The following ASAP2 variants were observed in gnomAD, a reference collection of about 807,000 sequenced individuals.
ASAP2 encodes ArfGAP with SH3 domain, ankyrin repeat and PH domain 2.
A neutral mutation model predicts 131.4 loss-of-function variants in ASAP2; 45 were observed. That is an observed-to-expected ratio of 0.34 (90% CI 0.27 to 0.44). The LOEUF is 0.44. Ranked by LOEUF, ASAP2 falls within the 20% of genes least tolerant of loss-of-function variation. The probability of loss-of-function intolerance (pLI) is 1.00; values close to 1 mark genes in which losing one functional copy is unlikely to be tolerated. For synonymous variants in ASAP2, 510 were observed against 503.0 expected, an observed-to-expected ratio of 1.01 and a Z score of -0.19; for missense variants, 1,011 against 1,297.0, an observed-to-expected ratio of 0.78 and a Z score of 3.39.
chr2:9,355,728 T>C (rs1672656791), intron 12 of ASAP2, among the ~76,000 whole-genome samples: 1 of 152,202 alleles, frequency 6.6e-6, no homozygotes. Flanking sequence ...AATTACTTTT[T>C]GGGGGCCAAC....
intron 1 of ASAP2, among the ~76,000 whole-genome samples, chr2:9,224,945 G>T (rs1662660150): frequency 6.6e-6 from 1 of 152,182 alleles, no homozygotes; most frequent in South Asian, 2.1e-4. Context: ...TGTAGAGTGG[G>T]AGTCTCACCA....
At chr2:9,273,942 A>T (rs576257277) in intron 1 of ASAP2, among the ~76,000 whole-genome samples, 31 of 152,296 alleles carry the variant, frequency 2.0e-4, no homozygotes, top group Non-Finnish European at 3.4e-4. Flanking sequence ...TTATTTTGGG[A>T]AAGGGCCATT....
rs952548139 is a variant in ASAP2 at position 9,392,994 on chromosome 2, C to T, written c.2519-488C>T. ...AAGAAAGCTCTTCACCCACCCACTC[C>T]GGAGACTGAGGAGCCGTTACTAAGT... On this transcript the variant is annotated intron_variant, in intron 23 of 27. Coordinates refer to ENST00000281419, the MANE Select transcript of ASAP2 (RefSeq NM_003887.3). This position sits in a 1 kb window ranked among gnomAD's most constrained non-coding sequence, Gnocchi z 4.0. Among the ~76,000 whole-genome samples the T allele has an allele frequency of 2.6e-5, 4 of 152,178 alleles. No homozygotes were observed. Among genetic ancestry groups the T allele is most frequent in the Admixed American group, 1.3e-4 (2 of 15,270 alleles).
At chr2:9,279,978 TG>T (rs1319062915) in intron 2 of ASAP2, among the ~76,000 whole-genome samples, 1 of 152,010 alleles carries the variant, frequency 6.6e-6, no homozygotes. Flanking sequence ...ATCCTACGAG[TG>T]ATACAAAATA....
chr2:9,332,778 T>G (rs961251551), intron 7 of ASAP2, among the ~76,000 whole-genome samples: 1 of 152,148 alleles, frequency 6.6e-6, no homozygotes, highest in African/African-American at 2.4e-5. Context: ...CACAAGAATT[T>G]GAAATGATTA....
At chr2:9,383,017 G>T (rs1294305217) in intron 20 of ASAP2, among the ~76,000 whole-genome samples, 1 of 151,874 alleles carries the variant, frequency 6.6e-6, no homozygotes, top group East Asian at 1.9e-4. Flanking sequence ...TGGGCAAGAG[G>T]GCTAGGAAAT....
intron 18 of ASAP2, 28 bp downstream of exon 18, chr2:9,377,021 C>T (rs770191566): frequency 6.3e-7 from 1 of 1,581,542 alleles, no homozygotes; most frequent in Admixed American, 1.7e-5. Flanking sequence ...AAGGGAGGCA[C>T]TCGTTTTCTC....
At chr2:9,402,299 G>A (rs973261590) in intron 27 of ASAP2, among the ~76,000 whole-genome samples, 5 of 152,184 alleles carry the variant, frequency 3.3e-5, no homozygotes, top group South Asian at 4.1e-4. Context: ...TGGGTTCACC[G>A]GTCTTTCCTG....
At chr2:9,218,107 C>T (rs1662180315) in intron 1 of ASAP2, among the ~76,000 whole-genome samples, 2 of 152,134 alleles carry the variant, frequency 1.3e-5, no homozygotes, top group Admixed American at 1.3e-4. Context: ...GAGTAAGAAT[C>T]CCAGTGCTGT....
chr2:9,215,969 A>G lies in ASAP2; in HGVS notation c.126+8739A>G, dbSNP rs935540309. 3.3e-5 allele frequency among the ~76,000 whole-genome samples: 5 copies of G among 152,176 alleles called. No individual in the cohort carries two copies. The East Asian group carries it at 9.6e-4, about 29-fold the overall frequency. On this transcript the variant is annotated intron_variant, in intron 1 of 27. Transcript: ENST00000281419. Reference sequence around the variant, plus strand: ...AGTTCATATACTTGTGCATGCCTCAAGAGTTCAGCAGAGCTGCACATTGGA... The same window carrying G: ...AGTTCATATACTTGTGCATGCCTCAGGAGTTCAGCAGAGCTGCACATTGGA...
chr2:9,287,877 G>A (rs1354390967), intron 2 of ASAP2, among the ~76,000 whole-genome samples: 1 of 152,192 alleles, frequency 6.6e-6, no homozygotes, highest in Non-Finnish European at 1.5e-5. Flanking sequence ...GGGTACCTCT[G>A]AAGGAACACA....
chr2:9,210,016 C>A (rs1244413310), intron 1 of ASAP2, among the ~76,000 whole-genome samples: 1 of 152,202 alleles, frequency 6.6e-6, no homozygotes, highest in African/African-American at 2.4e-5. Context: ...CTGTTGGGCC[C>A]TTATCCTGTA....
At chr2:9,344,233 T>C (rs1186456541) in intron 9 of ASAP2, among the ~76,000 whole-genome samples, 1 of 152,132 alleles carries the variant, frequency 6.6e-6, no homozygotes, top group South Asian at 2.1e-4. Context: ...CTCATGTCAC[T>C]GTCAGGGGGT....
chr2:9,264,089 G>A (rs1428465236), intron 1 of ASAP2, among the ~76,000 whole-genome samples: 1 of 151,926 alleles, frequency 6.6e-6, no homozygotes, highest in African/African-American at 2.4e-5. Flanking sequence ...CTACTCAGAA[G>A]GCTGAGGTGG....
chr2:9,351,309 G>A (rs1037895045), intron 12 of ASAP2, among the ~76,000 whole-genome samples: 1 of 152,198 alleles, frequency 6.6e-6, no homozygotes, highest in Non-Finnish European at 1.5e-5. Flanking sequence ...GTCTTCAACA[G>A]GTCCCTTGAA....
In ASAP2 at chr2:9,311,277, G is replaced by A. The variant is rs1669277042; in HGVS notation, c.346-7247G>A. On this transcript the variant is annotated intron_variant, in intron 3 of 27. Coordinates refer to ENST00000281419, the MANE Select transcript of ASAP2 (RefSeq NM_003887.3). The surrounding 1 kb of genome is among the most constrained non-coding windows in gnomAD (Gnocchi z 5.2). ...GCCAGGCATGGTGGCTCATGCCTGT[G>A]GTCCCAGCTACTCGGGAGGCAGAGG... is the stretch of plus-strand genomic sequence containing the variant. Among the ~76,000 whole-genome samples, 1 of 151,732 alleles carries A rather than the reference G, an allele frequency of 6.6e-6. No homozygotes were observed.
chr2:9,301,820 C>CTTTTTTTTTTTTTTTTTTTT (rs1177064910), intron 3 of ASAP2, among the ~76,000 whole-genome samples: 30 of 115,398 alleles, frequency 2.6e-4, no homozygotes, highest in African/African-American at 9.5e-4. Flanking sequence ...TATCCATCAT[C>CTTTTTTTTTTTTTTTTTTTT]TTTTTTTTTT....
intron 15 of ASAP2, among the ~76,000 whole-genome samples, chr2:9,360,230 A>G (rs1221207724): frequency 6.6e-6 from 1 of 152,198 alleles, no homozygotes; most frequent in Non-Finnish European, 1.5e-5. Context: ...ATTTTGTACT[A>G]TGTATTTTGC....
intron 20 of ASAP2, 39 bp from the exon 21 acceptor site, chr2:9,385,206 G>T: frequency 6.7e-7 from 1 of 1,501,202 alleles, no homozygotes; most frequent in Middle Eastern, 1.7e-4. Flanking sequence ...ATGGCCGAGT[G>T]TATGAGCAAC....
Sources: allele counts gnomAD v4.1 joint callset (sites outside exome capture counted in the v4.1 genomes callset), GRCh38; gene constraint gnomAD v4.1.1; non-coding constraint Gnocchi (gnomAD v3.1); transcripts MANE v1.5; gene names NCBI Gene and HGNC (gene_info 2026-07-23, HGNC 2026-07-21).